The following HS6ST3 variants were observed in gnomAD, a reference collection of about 807,000 sequenced individuals.
HS6ST3 encodes heparan-sulfate 6-O-sulfotransferase 3.
In HS6ST3, 12 loss-of-function variants were observed where a neutral mutation model predicts 36.7. The observed-to-expected ratio is 0.33, with a 90% confidence interval of 0.21 to 0.53. The LOEUF is 0.53. HS6ST3 is among the 20% of genes least tolerant of loss of function. The pLI, the probability that HS6ST3 is intolerant of heterozygous loss-of-function variation, is 0.95. For missense variants in HS6ST3, 584 were observed against 640.9 expected (o/e 0.91, Z 0.96); for synonymous variants, 240 against 257.5 (o/e 0.93, Z 0.65).
chr13:96,390,617 A>C (rs2055390711), intron 1 of HS6ST3, among the ~76,000 whole-genome samples: 1 of 152,180 alleles, frequency 6.6e-6, no homozygotes, highest in Non-Finnish European at 1.5e-5. Context: ...AGACACATAC[A>C]ATATCCTGAG....
At chr13:96,575,525 T>A (rs1010850643) in intron 1 of HS6ST3, among the ~76,000 whole-genome samples, 3 of 152,206 alleles carry the variant, frequency 2.0e-5, no homozygotes, top group African/African-American at 4.8e-5. Flanking sequence ...GAGTCCTTTT[T>A]TCTAGTTTGC....
At chr13:96,686,565 A>G (rs1416604802) in intron 1 of HS6ST3, among the ~76,000 whole-genome samples, 3 of 151,944 alleles carry the variant, frequency 2.0e-5, no homozygotes, top group Non-Finnish European at 2.9e-5. Flanking sequence ...TACTATTTCT[A>G]TTACTGAGAC....
intron 1 of HS6ST3, among the ~76,000 whole-genome samples, chr13:96,166,930 C>T (rs2054163705): frequency 6.6e-6 from 1 of 151,962 alleles, no homozygotes; most frequent in South Asian, 2.1e-4. Flanking sequence ...GGGCTTTTAC[C>T]CCTTTTGCTC....
At chr13:96,764,272 G>T (rs1374971256) in intron 1 of HS6ST3, among the ~76,000 whole-genome samples, 1 of 152,180 alleles carries the variant, frequency 6.6e-6, no homozygotes, top group Non-Finnish European at 1.5e-5. Flanking sequence ...CTAGACTGTA[G>T]TTTGAAAGTG....
chr13:96,310,982 C>T (rs2054938217), intron 1 of HS6ST3, among the ~76,000 whole-genome samples: 1 of 152,136 alleles, frequency 6.6e-6, no homozygotes, highest in African/African-American at 2.4e-5. Flanking sequence ...CCTTGAAAAT[C>T]ATGAAATTCA....
chr13:96,684,413 ACTTTTGAAATGAAGT>A (rs1478715156), intron 1 of HS6ST3, among the ~76,000 whole-genome samples: 15 of 152,054 alleles, frequency 9.9e-5, no homozygotes, highest in Middle Eastern at 3.2e-3. Flanking sequence ...ACCATCCAAC[ACTTTTGAAATGAAGT>A]CTTCACTTGT....
rs192176765 is a variant in HS6ST3, at chr13:96,136,106, C to T, written c.707+44537C>T. ...GGGTATGCTTAAGGTAAGTTATCAC[C>T]GTCAGGTGCACCTACAATACACAGG... On this transcript the variant is annotated intron_variant, in intron 1 of 1. Coordinates refer to ENST00000376705, the MANE Select transcript of HS6ST3 (RefSeq NM_153456.4). 3.9e-3 allele frequency among the ~76,000 whole-genome samples: 589 copies of T among 152,264 alleles called. 3 individuals carry two copies. The highest frequency in any genetic ancestry group is 0.013 in the African/African-American group (552 of 41,550).
chr13:96,585,590 T>C (rs568781), intron 1 of HS6ST3, among the ~76,000 whole-genome samples: 5 of 152,194 alleles, frequency 3.3e-5, no homozygotes, highest in Non-Finnish European at 7.4e-5. Context: ...TTATATCCTT[T>C]TACCAGCATC....
At chr13:96,249,431 G>T (rs2054598032) in intron 1 of HS6ST3, among the ~76,000 whole-genome samples, 1 of 152,132 alleles carries the variant, frequency 6.6e-6, no homozygotes, top group Non-Finnish European at 1.5e-5. Context: ...GAGGCTGGAA[G>T]GAAAGGAGAG....
At chr13:96,706,332 AC>A (rs1875420905) in intron 1 of HS6ST3, among the ~76,000 whole-genome samples, 1 of 150,996 alleles carries the variant, frequency 6.6e-6, no homozygotes, top group Non-Finnish European at 1.5e-5. Flanking sequence ...AAATCAACAA[AC>A]AAAATCTCTA....
chr13:96,709,307 A>G (rs754881697), intron 1 of HS6ST3, among the ~76,000 whole-genome samples: 8 of 152,180 alleles, frequency 5.3e-5, no homozygotes, highest in African/African-American at 9.7e-5. Flanking sequence ...ACCCAGTCTC[A>G]GGCATTTCTT....
chr13:96,577,396 T>G (rs1041200358), intron 1 of HS6ST3, among the ~76,000 whole-genome samples: 2 of 152,236 alleles, frequency 1.3e-5, no homozygotes, highest in African/African-American at 2.4e-5. Flanking sequence ...TGCCACATTT[T>G]CTTTATCCAG....
At chr13:96,186,700 G>A (rs1038010396) in intron 1 of HS6ST3, among the ~76,000 whole-genome samples, 4 of 152,234 alleles carry the variant, frequency 2.6e-5, no homozygotes, top group East Asian at 3.9e-4. Flanking sequence ...TTCTCAGAGG[G>A]AGCCTATGAC....
chr13:96,501,769 C>A (rs535627711), intron 1 of HS6ST3, among the ~76,000 whole-genome samples: 1 of 152,338 alleles, frequency 6.6e-6, no homozygotes, highest in Non-Finnish European at 1.5e-5. Flanking sequence ...AATGTAGGAA[C>A]TGGAAGTCCT....
rs539259054 is a variant in HS6ST3 at position 96,698,197 on chromosome 13, C to T, written c.708-134293C>T. 5.8e-4 allele frequency among the ~76,000 whole-genome samples: 89 copies of T among 152,162 alleles called. 1 individual carries two copies. In the East Asian group the frequency reaches 0.017, roughly 29 times the overall value. ...TCTCCCAATGCTGTCCCTCCCTGCTCCCCCCACCCCACAACAGGCCCCGGT... is the reference window on the plus strand; with the variant it reads ...TCTCCCAATGCTGTCCCTCCCTGCTTCCCCCACCCCACAACAGGCCCCGGT... On this transcript the variant is annotated intron_variant, in intron 1 of 1. Transcript: ENST00000376705.
At chr13:96,297,293 A>C (rs146060170) in intron 1 of HS6ST3, among the ~76,000 whole-genome samples, 2 of 151,954 alleles carry the variant, frequency 1.3e-5, no homozygotes, top group African/African-American at 4.8e-5. Context: ...CACAATGACC[A>C]TTTTACTTTA....
intron 1 of HS6ST3, among the ~76,000 whole-genome samples, chr13:96,163,222 A>ATTTTTTTTTTT (rs147731415): frequency 1.3e-5 from 1 of 79,058 alleles, no homozygotes; most frequent in African/African-American, 5.8e-5. Context: ...TCTGAGATAC[A>ATTTTTTTTTTT]TTTTTTTTTT....
chr13:96,540,539 C>T (rs1346345173), intron 1 of HS6ST3, among the ~76,000 whole-genome samples: 1 of 152,110 alleles, frequency 6.6e-6, no homozygotes, highest in African/African-American at 2.4e-5. Flanking sequence ...TAATAGGCCA[C>T]TCCCTCCTTA....
chr13:96,769,453 C>T (rs1369518512), intron 1 of HS6ST3, among the ~76,000 whole-genome samples: 1 of 119,508 alleles, frequency 8.4e-6, no homozygotes, highest in African/African-American at 3.2e-5. Context: ...CCCCTCCCCC[C>T]ACCCCCCCAC....
Sources: gnomAD v4.1 joint callset for allele counts (sites outside exome capture counted in the v4.1 genomes callset) on GRCh38, gnomAD v4.1.1 for gene constraint, MANE v1.5 for transcripts, NCBI Gene and HGNC (gene_info 2026-07-23, HGNC 2026-07-21) for gene names.